CFAP70: variants seen among roughly 807,000 people sequenced by gnomAD.
CFAP70 encodes cilia- and flagella-associated protein 70.
CFAP70 carries 81 observed loss-of-function variants against 137.6 expected under a neutral mutation model. That is an observed-to-expected ratio of 0.59 (90% CI 0.49 to 0.71). The LOEUF is 0.71. CFAP70 is among the 30% of genes least tolerant of loss of function. The pLI is 0.00. For missense variants in CFAP70, 976 were observed against 1,226.7 expected (o/e 0.80, Z 3.05); for synonymous variants, 382 against 423.6 (o/e 0.90, Z 1.20).
At chr10:73,290,021 G>A (rs939934587) in intron 19 of CFAP70, among the ~76,000 whole-genome samples, 1 of 143,130 alleles carries the variant, frequency 7.0e-6, no homozygotes, top group Non-Finnish European at 1.5e-5. Flanking sequence ...CTCCAGCCTG[G>A]GTGACAGAGC....
chr10:73,326,223 C>T (rs2051404971), intron 8 of CFAP70, among the ~76,000 whole-genome samples: 1 of 151,854 alleles, frequency 6.6e-6, no homozygotes, highest in South Asian at 2.1e-4. Context: ...GAACAACCTG[C>T]TCCTGAATGA....
At chr10:73,351,988 C>G (rs548947461) in intron 3 of CFAP70, among the ~76,000 whole-genome samples, 1 of 152,328 alleles carries the variant, frequency 6.6e-6, no homozygotes, top group South Asian at 2.1e-4. Flanking sequence ...CTCATTACTG[C>G]TGAGCAGGGG....
intron 1 of CFAP70, among the ~76,000 whole-genome samples, chr10:73,357,955 G>A (rs540983899): frequency 2.0e-5 from 3 of 152,326 alleles, no homozygotes; most frequent in African/African-American, 7.2e-5. Context: ...TATGAAGACT[G>A]GGTATTCAAA....
chr10:73,301,225 T>G (rs1257982435), intron 12 of CFAP70, among the ~76,000 whole-genome samples: 3 of 152,166 alleles, frequency 2.0e-5, no homozygotes, highest in African/African-American at 7.2e-5. Flanking sequence ...CCAAATCTCA[T>G]GTTGAATTAT....
At chr10:73,309,895 A>C (rs2049763852) in intron 12 of CFAP70, among the ~76,000 whole-genome samples, 1 of 151,918 alleles carries the variant, frequency 6.6e-6, no homozygotes, top group African/African-American at 2.4e-5. Context: ...GAGCTCAGGC[A>C]ATCCCCCCCA....
intron 12 of CFAP70, among the ~76,000 whole-genome samples, chr10:73,306,839 G>A (rs888434088): frequency 3.3e-5 from 5 of 152,160 alleles, no homozygotes; most frequent in African/African-American, 7.2e-5. Flanking sequence ...CATAAGGAAC[G>A]CTAAAGGGAG....
intron 8 of CFAP70, 127 bp downstream of exon 9, chr10:73,331,050 T>C: frequency 1.7e-6 from 1 of 599,458 alleles, no homozygotes; most frequent in Non-Finnish European, 2.9e-6. Flanking sequence ...CAAATCAGAA[T>C]GAGCTAGTCA....
intron 12 of CFAP70, among the ~76,000 whole-genome samples, chr10:73,308,874 G>A (rs964380421): frequency 4.7e-5 from 7 of 147,866 alleles, no homozygotes; most frequent in African/African-American, 1.7e-4. Context: ...ATGAAATGCA[G>A]TGAAAGCAGT....
intron 23 of CFAP70, 150 bp from the exon 25 acceptor site, chr10:73,273,167 G>A: frequency 1.5e-6 from 1 of 665,994 alleles, no homozygotes; most frequent in Admixed American, 2.4e-5. Flanking sequence ...CCTTAAGGGA[G>A]TTATCGCAAG....
intron 19 of CFAP70, among the ~76,000 whole-genome samples, chr10:73,288,902 T>C (rs1256211038): frequency 1.3e-5 from 2 of 152,246 alleles, no homozygotes; most frequent in Non-Finnish European, 2.9e-5. Flanking sequence ...GCCTGAATGC[T>C]TGGAGATGTC....
intron 21 of CFAP70, chr10:73,276,928 C>T (rs3812620): frequency 0.1 from 18,985 of 187,834 alleles, 1,435 homozygotes; most frequent in East Asian, 0.29. Context: ...AATGATTTGG[C>T]TCCTGTGAAC....
chr10:73,286,101 A>T (rs528083646), intron 19 of CFAP70, among the ~76,000 whole-genome samples: 1 of 152,270 alleles, frequency 6.6e-6, no homozygotes, highest in Non-Finnish European at 1.5e-5. Context: ...GCTACACTCT[A>T]AGAGTAAAGG....
chr10:73,255,768 A>G (rs1277141721), intron 26 of CFAP70, among the ~76,000 whole-genome samples: 2 of 151,892 alleles, frequency 1.3e-5, no homozygotes, highest in Non-Finnish European at 2.9e-5. Context: ...GATGGTCTCC[A>G]TCTCTTGACC....
chr10:73,301,001 CAATA>C (rs2048908209), intron 12 of CFAP70, among the ~76,000 whole-genome samples: 2 of 152,044 alleles, frequency 1.3e-5, no homozygotes, highest in African/African-American at 4.8e-5. Context: ...GAAAGAAAGA[CAATA>C]AATAAGATAA....
chr10:73,304,144 C>T (rs2132027734), intron 12 of CFAP70, among the ~76,000 whole-genome samples: 1 of 152,160 alleles, frequency 6.6e-6, no homozygotes, highest in South Asian at 2.1e-4. Flanking sequence ...GCAACCTCCA[C>T]CTCCTGGGTT....
intron 26 of CFAP70, among the ~76,000 whole-genome samples, chr10:73,255,821 A>G (rs1032403364): frequency 6.6e-6 from 1 of 152,172 alleles, no homozygotes; most frequent in Non-Finnish European, 1.5e-5. Context: ...CTGGGATTAC[A>G]GGCGTGAGCC....
Position 73,299,672 on chromosome 10 carries a change from C to T in CFAP70, c.1257-7G>A. 6.2e-7 allele frequency: 1 copy of T among 1,603,122 alleles called. No homozygotes were observed. Among genetic ancestry groups the T allele is most frequent in the Middle Eastern group, 1.7e-4 (1 of 6,008 alleles). On this transcript the variant is annotated splice_polypyrimidine_tract_variant and splice_region_variant and intron_variant, in intron 12 of 26. Coordinates refer to ENST00000310715, the Ensembl canonical transcript of CFAP70. ...AGGAATCATTTCCTTGACCCTGTATCAGGAAAGAAAAAAAATAAAAAAACA... is the reference window on the plus strand; with the variant it reads ...AGGAATCATTTCCTTGACCCTGTATTAGGAAAGAAAAAAAATAAAAAAACA...
intron 26 of CFAP70, among the ~76,000 whole-genome samples, chr10:73,255,146 C>A (rs1349729572): frequency 6.6e-6 from 1 of 152,124 alleles, no homozygotes; most frequent in Non-Finnish European, 1.5e-5. Context: ...CGCTTATAAT[C>A]CCAGTACTTT....
chr10:73,308,589 T>C (rs1368668841), intron 12 of CFAP70, among the ~76,000 whole-genome samples: 1 of 147,810 alleles, frequency 6.8e-6, no homozygotes, highest in Non-Finnish European at 1.5e-5. Context: ...GATCACACCA[T>C]TGCACTCCAG....
Sources: allele counts gnomAD v4.1 joint callset (sites outside exome capture counted in the v4.1 genomes callset), GRCh38; gene constraint gnomAD v4.1.1; transcripts MANE v1.5; gene names NCBI Gene and HGNC (gene_info 2026-07-23, HGNC 2026-07-21).